ZNF804B: variants seen among roughly 807,000 people sequenced by gnomAD.
ZNF804B encodes the protein zinc finger 804B.
Under a neutral mutation model 101.4 loss-of-function variants are expected in ZNF804B, and 80 were observed. That is an observed-to-expected ratio of 0.79 (90% CI 0.66 to 0.95). The LOEUF is 0.95. Among genes scored for constraint, ZNF804B ranks in the 40% least tolerant of loss-of-function variants. The pLI, the probability that ZNF804B is intolerant of heterozygous loss-of-function variation, is 0.00. For missense variants in ZNF804B, 1,673 were observed against 1,561.9 expected, an observed-to-expected ratio of 1.07 and a Z score of -1.20; for synonymous variants, 622 against 558.8, an observed-to-expected ratio of 1.11 and a Z score of -1.59.
intron 1 of ZNF804B, among the ~76,000 whole-genome samples, chr7:88,946,456 G>A (rs1057243181): frequency 3.3e-5 from 5 of 152,024 alleles, no homozygotes; most frequent in South Asian, 4.2e-4. Flanking sequence ...CTTGATTGTG[G>A]TGGATAAGCT....
In ZNF804B at chr7:89,278,353, A is replaced by C. The variant is rs1410507059; in HGVS notation, c.250-48991A>C. On this transcript the variant is annotated intron_variant, in intron 2 of 3. Coordinates refer to ENST00000333190, the MANE Select transcript of ZNF804B (RefSeq NM_181646.5). ...TTGCTGTGCAGAAGCTCTTTAGTTT[A>C]ATTAGATCCCATTTGTCAATTTTGG... Among the ~76,000 whole-genome samples the C allele has an allele frequency of 6.6e-5, 10 of 151,460 alleles. No individual in the cohort carries two copies. In the East Asian group the frequency reaches 1.5e-3, roughly 23 times the overall value.
chr7:89,079,774 T>A (rs879370825), intron 1 of ZNF804B, among the ~76,000 whole-genome samples: 6 of 152,004 alleles, frequency 3.9e-5, no homozygotes, highest in Non-Finnish European at 7.4e-5. Context: ...TAAACATGAC[T>A]TGCCGATATC....
At chr7:88,816,966 A>T (rs1376833574) in intron 1 of ZNF804B, among the ~76,000 whole-genome samples, 1 of 150,500 alleles carries the variant, frequency 6.6e-6, no homozygotes, top group African/African-American at 2.5e-5. Flanking sequence ...ACAATAGCAA[A>T]GACTTGGAAC....
At chr7:89,132,296 C>A (rs1253486065) in intron 1 of ZNF804B, among the ~76,000 whole-genome samples, 1 of 151,854 alleles carries the variant, frequency 6.6e-6, no homozygotes, top group African/African-American at 2.4e-5. Context: ...TGGAATACTG[C>A]AGAGGAATTT....
In ZNF804B at chr7:89,070,602, A is replaced by G. The variant is rs529892317; in HGVS notation, c.109-147553A>G. ...CTTCATCTGTAAATTGATGGTAATA[A>G]TAGGATCTATGTCCTTGTTTTGTTG... On this transcript the variant is annotated intron_variant, in intron 1 of 3. Transcript: ENST00000333190. Among the ~76,000 whole-genome samples the G allele has an allele frequency of 5.3e-5, 8 of 152,262 alleles. No individual in the cohort carries two copies. In the South Asian group the frequency reaches 1.5e-3, roughly 28 times the overall value.
At chr7:88,969,267 C>T (rs1277406490) in intron 1 of ZNF804B, among the ~76,000 whole-genome samples, 1 of 151,528 alleles carries the variant, frequency 6.6e-6, no homozygotes, top group Non-Finnish European at 1.5e-5. Context: ...GTTGTTATAG[C>T]AGTGCATAGC....
intron 1 of ZNF804B, among the ~76,000 whole-genome samples, chr7:88,804,933 G>A (rs1790661654): frequency 6.6e-6 from 1 of 152,078 alleles, no homozygotes; most frequent in Non-Finnish European, 1.5e-5. Flanking sequence ...TTGCTTACTT[G>A]TAAAGTTGCC....
chr7:88,938,910 A>G (rs893596035), intron 1 of ZNF804B, among the ~76,000 whole-genome samples: 2 of 152,074 alleles, frequency 1.3e-5, no homozygotes, highest in Admixed American at 1.3e-4. Flanking sequence ...ACCTTAAGGA[A>G]CAAGTTTGTT....
At chr7:89,215,840 C>T (rs1353548625) in intron 1 of ZNF804B, among the ~76,000 whole-genome samples, 4 of 151,240 alleles carry the variant, frequency 2.6e-5, no homozygotes, top group Non-Finnish European at 4.4e-5. Flanking sequence ...GCCGAGATCA[C>T]GCCACTGCAC....
intron 1 of ZNF804B, among the ~76,000 whole-genome samples, chr7:88,973,641 G>A (rs186844535): frequency 2.0e-4 from 30 of 150,960 alleles, no homozygotes; most frequent in Middle Eastern, 3.4e-3. Context: ...AATTATTTTT[G>A]TACACACTTT....
At chr7:88,799,135 A>G (rs1477911766) in intron 1 of ZNF804B, among the ~76,000 whole-genome samples, 1 of 152,098 alleles carries the variant, frequency 6.6e-6, no homozygotes, top group Admixed American at 6.6e-5. Context: ...TTACTGATAT[A>G]CTTATGCCCT....
intron 1 of ZNF804B, among the ~76,000 whole-genome samples, chr7:89,181,222 C>T (rs1788291103): frequency 6.6e-6 from 1 of 151,866 alleles, no homozygotes; most frequent in East Asian, 1.9e-4. Context: ...GTTGTGTGAA[C>T]CCCAAGTCCA....
intron 1 of ZNF804B, among the ~76,000 whole-genome samples, chr7:88,879,727 A>G (rs1562821227): frequency 6.6e-6 from 1 of 152,116 alleles, no homozygotes; most frequent in Non-Finnish European, 1.5e-5. Flanking sequence ...AGTTAAGTCT[A>G]AAGTGTAGGT....
chr7:88,994,559 C>T (rs955836158), intron 1 of ZNF804B, among the ~76,000 whole-genome samples: 1 of 152,132 alleles, frequency 6.6e-6, no homozygotes, highest in South Asian at 2.1e-4. Flanking sequence ...TCACTAATTG[C>T]TTCAACAAAG....
At chr7:88,853,293 T>G (rs1379438937) in intron 1 of ZNF804B, among the ~76,000 whole-genome samples, 1 of 151,794 alleles carries the variant, frequency 6.6e-6, no homozygotes, top group Non-Finnish European at 1.5e-5. Flanking sequence ...AGCTGAAGGG[T>G]GAATAAGGAG....
intron 1 of ZNF804B, among the ~76,000 whole-genome samples, chr7:88,761,130 A>G (rs1789889513): frequency 6.6e-6 from 1 of 151,982 alleles, no homozygotes; most frequent in Non-Finnish European, 1.5e-5. Context: ...ATTATTCAAA[A>G]CTGCAACATA....
At chr7:88,838,876 T>A (rs1393571054) in intron 1 of ZNF804B, among the ~76,000 whole-genome samples, 1 of 152,036 alleles carries the variant, frequency 6.6e-6, no homozygotes, top group East Asian at 1.9e-4. Flanking sequence ...CTTGTTATAA[T>A]AACTAGATAG....
chr7:89,334,421 T>G lies in ZNF804B; in HGVS notation c.1439T>G (p.Phe480Cys), dbSNP rs752257048. ...TCTTATGGCTGCAACCCACTGTATT[T>G]TGATTTTAAGCTTTCTCGGAACACA... Reference protein sequence around the residue: ...CISYGCNPLYFDFKLSRNTKE... With the variant: ...CISYGCNPLYCDFKLSRNTKE... The change falls in exon 4 of 4, where the codon TTT becomes TGT. Residue 480 changes from phenylalanine to cysteine, a missense_variant. Physicochemically the swap from Phe to Cys is radical, Grantham distance 205. Coordinates refer to ENST00000333190, the MANE Select transcript of ZNF804B (RefSeq NM_181646.5). 4.3e-6 allele frequency: 7 copies of G among 1,613,668 alleles called. No individual in the cohort carries two copies. In the Admixed American group the frequency reaches 8.3e-5, roughly 19 times the overall value.
At chr7:89,159,533 T>C (rs1445665555) in intron 1 of ZNF804B, among the ~76,000 whole-genome samples, 1 of 152,096 alleles carries the variant, frequency 6.6e-6, no homozygotes, top group African/African-American at 2.4e-5. Flanking sequence ...TTAAAGGAGA[T>C]GGTGAAGGTA....
Sources: gnomAD v4.1 joint callset for allele counts (sites outside exome capture counted in the v4.1 genomes callset) on GRCh38, gnomAD v4.1.1 for gene constraint, MANE v1.5 for transcripts, NCBI Gene and HGNC (gene_info 2026-07-23, HGNC 2026-07-21) for gene names.